The following XPNPEP3 variants were observed in gnomAD, a reference collection of about 807,000 sequenced individuals.
XPNPEP3 encodes X-prolyl aminopeptidase 3.
In XPNPEP3, 41 loss-of-function variants were observed where a neutral mutation model predicts 60.0. That is an observed-to-expected ratio of 0.68 (90% CI 0.53 to 0.89). The LOEUF (loss-of-function observed/expected upper bound fraction) is 0.89, where lower values mean the gene tolerates loss of function less well. Among genes scored for constraint, XPNPEP3 ranks in the 40% least tolerant of loss-of-function variants. The pLI, the probability that XPNPEP3 is intolerant of heterozygous loss-of-function variation, is 0.00. For synonymous variants in XPNPEP3, 212 were observed against 223.2 expected (o/e 0.95, Z 0.45); for missense variants, 598 against 638.9 (o/e 0.94, Z 0.69).
intron 4 of XPNPEP3, among the ~76,000 whole-genome samples, chr22:40,894,542 AG>A (rs1284430359): frequency 6.6e-6 from 1 of 152,196 alleles, no homozygotes; most frequent in Non-Finnish European, 1.5e-5. Context: ...GTCTAATCAT[AG>A]GGAGATAAAT....
chr22:40,857,919 G>T (rs1315313413), intron 1 of XPNPEP3, among the ~76,000 whole-genome samples: 1 of 152,190 alleles, frequency 6.6e-6, no homozygotes, highest in African/African-American at 2.4e-5. Flanking sequence ...TGACATCAAA[G>T]CTATGTCTTG....
At chr22:40,873,383 G>A (rs577770137) in intron 2 of XPNPEP3, among the ~76,000 whole-genome samples, 4 of 151,746 alleles carry the variant, frequency 2.6e-5, no homozygotes, top group South Asian at 2.1e-4. Flanking sequence ...GATTACATGC[G>A]TGAGCCACCA....
At chr22:40,899,001 C>A (rs2058120769) in intron 4 of XPNPEP3, among the ~76,000 whole-genome samples, 3 of 152,168 alleles carry the variant, frequency 2.0e-5, no homozygotes, top group Admixed American at 2.0e-4. Flanking sequence ...TCCCTGCAAA[C>A]CTTTCTCACT....
Position 40,882,005 on chromosome 22 carries a change from C to T in XPNPEP3, c.417C>T (p.Leu139=), listed in dbSNP as rs913724956. The change falls in exon 3 of 10, where the codon CTC becomes CTT. Residue 139 remains leucine, a synonymous_variant. Transcript: ENST00000357137. ...ATAGCATTCTTGTCCTTCAGAGCCT[C>T]CCTGGCAAACAATTACCATCACACA... ...EPDSILVLQS[L]PGKQLPSHKA... is the part of the protein sequence containing the mutation. 3.2e-5 allele frequency: 52 copies of T among 1,614,014 alleles called. No individual in the cohort carries two copies. Among genetic ancestry groups the T allele is most frequent in the Non-Finnish European group, 4.4e-5 (52 of 1,180,020 alleles).
rs1018036784 is a variant in XPNPEP3 at position 40,931,919 on chromosome 22, T to C, written c.*5484T>C. 1 of 152,126 alleles carries C rather than the reference T, an allele frequency of 6.6e-6. No individual in the cohort carries two copies. The highest frequency in any genetic ancestry group is 1.5e-5 in the Non-Finnish European group (1 of 68,014). The allele number at this position is 152,126 out of a possible 1,614,324, so 9.4% of individuals were successfully genotyped here. A position where few individuals can be genotyped will look rare whatever the true frequency, so the allele number is the denominator to read the frequency against. The stretch of plus-strand genomic sequence containing the variant: ...TTGAGATTAAGATACAAATAAAACA[T>C]GTTAAACCTCCATCTAAAGACATTG... On this transcript the variant is annotated 3_prime_UTR_variant, in exon 10 of 10. Coordinates refer to ENST00000357137, the MANE Select transcript of XPNPEP3 (RefSeq NM_022098.4).
intron 2 of XPNPEP3, among the ~76,000 whole-genome samples, chr22:40,874,518 G>A (rs7289552): frequency 5.9e-5 from 9 of 151,778 alleles, no homozygotes; most frequent in Admixed American, 5.9e-4. Flanking sequence ...CTTGACCTCC[G>A]GGGGTCAAAC....
intron 6 of XPNPEP3, among the ~76,000 whole-genome samples, chr22:40,909,473 A>ACAAATCTTT (rs2058168985): frequency 6.6e-6 from 1 of 152,242 alleles, no homozygotes; most frequent in Non-Finnish European, 1.5e-5. Flanking sequence ...TCAAAAAATA[A>ACAAATCTTT]AACAACATAG....
chr22:40,920,621 C>T (rs1028659825), intron 7 of XPNPEP3, among the ~76,000 whole-genome samples: 2 of 152,148 alleles, frequency 1.3e-5, no homozygotes, highest in African/African-American at 4.8e-5. Flanking sequence ...ACTTTTCTGA[C>T]CCCTTCAGCG....
At position 40,932,074 on chromosome 22, in the gene XPNPEP3, G is replaced by A. The variant is rs139106585; in HGVS notation, c.*5639G>A. The stretch of plus-strand genomic sequence containing the variant: ...CACAAATGCTGCTTCTCCCCCTCCT[G>A]TTCCCATGTCAGAGATGGAGAAGAA... On this transcript the variant is annotated 3_prime_UTR_variant, in exon 10 of 10. Transcript: ENST00000357137. 25 of 152,272 alleles carry A rather than the reference G, an allele frequency of 1.6e-4. No individual in the cohort carries two copies. The highest frequency in any genetic ancestry group is 1.1e-3 in the Admixed American group (17 of 15,290). 9.4% of individuals were successfully genotyped at this position (152,272 alleles called of 1,614,324 possible).
intron 3 of XPNPEP3, among the ~76,000 whole-genome samples, chr22:40,885,438 A>G (rs931394029): frequency 2.0e-5 from 3 of 152,222 alleles, no homozygotes; most frequent in Non-Finnish European, 2.9e-5. Flanking sequence ...GTGATTGTTT[A>G]CAAAGAGAAT....
chr22:40,888,063 T>A (rs745844519), intron 4 of XPNPEP3, among the ~76,000 whole-genome samples: 1 of 152,150 alleles, frequency 6.6e-6, no homozygotes, highest in Non-Finnish European at 1.5e-5. Flanking sequence ...TCATTCCAAA[T>A]AGAAACTGTA....
intron 4 of XPNPEP3, among the ~76,000 whole-genome samples, chr22:40,899,521 T>C (rs1005763288): frequency 6.6e-6 from 1 of 152,082 alleles, no homozygotes; most frequent in Non-Finnish European, 1.5e-5. Flanking sequence ...GATATCCATA[T>C]GCAAAAGAAT....
chr22:40,923,319 A>C (rs1569033514), intron 8 of XPNPEP3, among the ~76,000 whole-genome samples: 1 of 152,118 alleles, frequency 6.6e-6, no homozygotes, highest in Non-Finnish European at 1.5e-5. Flanking sequence ...TTGACACTTC[A>C]GCAATATTCC....
At chr22:40,861,269 C>CT in intron 1 of XPNPEP3, 2 of 1,614,186 alleles carry the variant, frequency 1.2e-6, no homozygotes, top group Middle Eastern at 1.6e-4. Flanking sequence ...TGTTGAATGA[C>CT]TGTGTTCTCC....
At position 40,931,374 on chromosome 22, in the gene XPNPEP3, A is replaced by C. The variant is rs909646807; in HGVS notation, c.*4939A>C. The stretch of plus-strand genomic sequence containing the variant: ...TCAGGAATTACTATTTTGTCACCAT[A>C]ATTAGGAAACAGACTGTGTTCTTTA... On this transcript the variant is annotated 3_prime_UTR_variant, in exon 10 of 10. Transcript: ENST00000357137. The C allele has an allele frequency of 1.3e-5, 2 of 152,136 alleles. No homozygotes were observed. Among genetic ancestry groups the C allele is most frequent in the African/African-American group, 4.8e-5 (2 of 41,436 alleles). 9.4% of individuals were successfully genotyped at this position (152,136 alleles called of 1,614,324 possible). A position where few individuals can be genotyped will look rare whatever the true frequency, so the allele number is the denominator to read the frequency against.
At chr22:40,904,613 C>G (rs188191057) in intron 4 of XPNPEP3, among the ~76,000 whole-genome samples, 10 of 152,104 alleles carry the variant, frequency 6.6e-5, no homozygotes, top group Admixed American at 1.3e-4. Flanking sequence ...GGGTTCAAAG[C>G]AAAATTAATA....
At chr22:40,911,452 A>G (rs2058176831) in intron 6 of XPNPEP3, among the ~76,000 whole-genome samples, 1 of 151,988 alleles carries the variant, frequency 6.6e-6, no homozygotes, top group Non-Finnish European at 1.5e-5. Flanking sequence ...AAACACGTGT[A>G]GAACTCTTTG....
chr22:40,873,812 G>T (rs1332084461), intron 2 of XPNPEP3, among the ~76,000 whole-genome samples: 1 of 152,000 alleles, frequency 6.6e-6, no homozygotes, highest in East Asian at 1.9e-4. Flanking sequence ...AAATAAAATA[G>T]AAATAAAATA....
intron 7 of XPNPEP3, among the ~76,000 whole-genome samples, chr22:40,921,172 G>A (rs898753327): frequency 7.9e-5 from 12 of 152,092 alleles, no homozygotes; most frequent in African/African-American, 2.7e-4. Flanking sequence ...GCTGGGACTT[G>A]AGTGTAGTTA....
Sources: allele counts gnomAD v4.1 joint callset (sites outside exome capture counted in the v4.1 genomes callset), GRCh38; gene constraint gnomAD v4.1.1; transcripts MANE v1.5; gene names NCBI Gene and HGNC (gene_info 2026-07-23, HGNC 2026-07-21).